The following AK8 variants were observed in gnomAD, a reference collection of about 807,000 sequenced individuals.
The protein encoded by AK8 is ATP-AMP transphosphorylase 8.
In AK8, 44 loss-of-function variants were observed where a neutral mutation model predicts 54.6. The observed-to-expected ratio is 0.81, with a 90% CI of 0.63 to 1.04. The LOEUF is 1.04. Among genes scored for constraint, AK8 ranks in the 50% least tolerant of loss-of-function variants. AK8 has a pLI of 0.00. For missense variants in AK8, 555 were observed against 613.6 expected (o/e 0.90, Z 1.01); for synonymous variants, 239 against 245.6 (o/e 0.97, Z 0.25).
intron 11 of AK8, among the ~76,000 whole-genome samples, chr9:132,764,597 C>T (rs189644893): frequency 3.2e-4 from 49 of 152,226 alleles, no homozygotes; most frequent in African/African-American, 1.1e-3. Context: ...CACATACAAC[C>T]TACCAAGATA....
chr9:132,845,948 T>C (rs888022736), intron 5 of AK8, among the ~76,000 whole-genome samples: 1 of 152,106 alleles, frequency 6.6e-6, no homozygotes, highest in African/African-American at 2.4e-5. Flanking sequence ...GGATCCTGTG[T>C]GAAAACTGTG....
At chr9:132,862,025 G>T (rs1001333255) in intron 4 of AK8, among the ~76,000 whole-genome samples, 2 of 152,168 alleles carry the variant, frequency 1.3e-5, no homozygotes, top group Admixed American at 1.3e-4. Context: ...CCTCTCTGTT[G>T]AATTTTATAA....
intron 11 of AK8, among the ~76,000 whole-genome samples, chr9:132,746,570 A>G (rs1837662961): frequency 6.6e-6 from 1 of 152,250 alleles, no homozygotes; most frequent in Admixed American, 6.5e-5. Flanking sequence ...ATCACATGCT[A>G]ATAGAGATTC....
At chr9:132,755,904 A>G (rs1253576387) in intron 11 of AK8, among the ~76,000 whole-genome samples, 1 of 151,980 alleles carries the variant, frequency 6.6e-6, no homozygotes, top group Non-Finnish European at 1.5e-5. Context: ...AGTAGCTGGG[A>G]TCACAGGCAT....
At chr9:132,742,287 A>G (rs545206041) in intron 11 of AK8, among the ~76,000 whole-genome samples, 9 of 148,398 alleles carry the variant, frequency 6.1e-5, no homozygotes, top group African/African-American at 2.2e-4. Context: ...CGATCCTCCC[A>G]CTTCAGCCTC....
intron 5 of AK8, among the ~76,000 whole-genome samples, chr9:132,846,242 C>T (rs1842744035): frequency 6.6e-6 from 1 of 152,236 alleles, no homozygotes; most frequent in Admixed American, 6.5e-5. Context: ...TCCAGACACC[C>T]ACCCTGGGCC....
intron 8 of AK8, among the ~76,000 whole-genome samples, chr9:132,824,226 TG>T (rs1392662065): frequency 1.3e-5 from 2 of 152,186 alleles, no homozygotes; most frequent in East Asian, 3.8e-4. Flanking sequence ...GCAGGAGAGA[TG>T]CCCACAGATG....
chr9:132,738,147 G>A (rs949468893), intron 11 of AK8, among the ~76,000 whole-genome samples: 6 of 152,016 alleles, frequency 3.9e-5, no homozygotes, highest in South Asian at 2.1e-4. Flanking sequence ...TCCGCCTCCC[G>A]GGTTCAAGTG....
chr9:132,799,003 A>G lies in AK8; in HGVS notation c.980-6228T>C. Among the ~76,000 whole-genome samples the G allele has an allele frequency of 6.6e-6, 1 of 152,262 alleles. No homozygotes were observed. Among genetic ancestry groups the G allele is most frequent in the Non-Finnish European group, 1.5e-5 (1 of 68,010 alleles). ...GGAGTCCCGACACCCATGAGATGCA[A>G]CTGGGCAGCACTGACTCCTCCCGGG... is the stretch of plus-strand genomic sequence containing the variant. On this transcript the variant is annotated intron_variant, in intron 10 of 12. Coordinates refer to ENST00000298545, the MANE Select transcript of AK8 (RefSeq NM_152572.3). This position sits in a 1 kb window ranked among gnomAD's most constrained non-coding sequence, Gnocchi z 5.0.
At position 132,727,475 on chromosome 9, in the gene AK8, A is replaced by G. The variant is rs770435981; in HGVS notation, c.1181T>C (p.Ile394Thr). The G allele has an allele frequency of 3.7e-6, 6 of 1,614,126 alleles. No individual in the cohort carries two copies. The highest frequency in any genetic ancestry group is 1.7e-5 in the Admixed American group (1 of 60,026). The change falls in exon 12 of 13, where the codon ATT (isoleucine) becomes ACT (threonine). Residue 394 changes from isoleucine to threonine, a missense_variant. By Grantham distance (89) the Ile-to-Thr change is moderately conservative. Coordinates refer to ENST00000298545, the MANE Select transcript of AK8 (RefSeq NM_152572.3). ...SIMERLTLRR[I>T]DPVTGERYHL... ...AAACCTTTCCCCAGTGACTGGATCA[A>G]TTCTTCTCAGAGTCAGCCGCTCCAT...
intron 2 of AK8, among the ~76,000 whole-genome samples, chr9:132,867,564 G>A (rs921918780): frequency 2.6e-5 from 4 of 152,238 alleles, no homozygotes; most frequent in African/African-American, 4.8e-5. Flanking sequence ...TGACAAGAGT[G>A]TGATATGAAC....
chr9:132,800,084 C>T (rs1350736280), intron 10 of AK8, among the ~76,000 whole-genome samples: 1 of 152,212 alleles, frequency 6.6e-6, no homozygotes, highest in Non-Finnish European at 1.5e-5. Context: ...GCCAGGGGCT[C>T]TACTCTAGGC....
At chr9:132,729,099 G>A (rs1296259573) in intron 11 of AK8, among the ~76,000 whole-genome samples, 3 of 152,062 alleles carry the variant, frequency 2.0e-5, no homozygotes, top group Non-Finnish European at 4.4e-5. Flanking sequence ...TTGCCCAGCT[G>A]TTCTGGAACT....
intron 10 of AK8, 79 bp from the exon 11 acceptor site, chr9:132,792,854 T>C (rs1256493121): frequency 5.4e-6 from 8 of 1,468,558 alleles, no homozygotes. Flanking sequence ...TACTTGGCCA[T>C]AGATTGAGCT....
At chr9:132,726,564 G>A (rs190556922) in intron 12 of AK8, among the ~76,000 whole-genome samples, 3 of 152,212 alleles carry the variant, frequency 2.0e-5, no homozygotes, top group Admixed American at 6.5e-5. Flanking sequence ...CACCATGCCC[G>A]GCCTCTTGTT....
At chr9:132,840,852 C>CA (rs34922925) in intron 5 of AK8, among the ~76,000 whole-genome samples, 33 of 150,466 alleles carry the variant, frequency 2.2e-4, no homozygotes, top group African/African-American at 6.8e-4. Flanking sequence ...GAGATCGCGC[C>CA]AAAAAAAAAG....
chr9:132,795,010 T>C (rs1261461379), intron 10 of AK8, among the ~76,000 whole-genome samples: 1 of 152,128 alleles, frequency 6.6e-6, no homozygotes, highest in Non-Finnish European at 1.5e-5. Flanking sequence ...TGTGGGGAAG[T>C]GATGCTTCAC....
At chr9:132,869,267 G>A (rs1215606164) in intron 2 of AK8, among the ~76,000 whole-genome samples, 3 of 152,210 alleles carry the variant, frequency 2.0e-5, no homozygotes, top group Non-Finnish European at 4.4e-5. Flanking sequence ...AGGCTGGGGA[G>A]CCAGGCCTTC....
chr9:132,771,477 A>G (rs956589786), intron 11 of AK8, among the ~76,000 whole-genome samples: 1 of 152,190 alleles, frequency 6.6e-6, no homozygotes, highest in Non-Finnish European at 1.5e-5. Context: ...TTATATGCTT[A>G]AGCCCCTACC....
Sources: gnomAD v4.1 joint callset for allele counts (sites outside exome capture counted in the v4.1 genomes callset) on GRCh38, gnomAD v4.1.1 for gene constraint, Gnocchi (gnomAD v3.1) non-coding constraint, MANE v1.5 for transcripts, NCBI Gene and HGNC (gene_info 2026-07-23, HGNC 2026-07-21) for gene names.